The following EYA2 variants were observed in gnomAD, a reference collection of about 807,000 sequenced individuals.
EYA2 encodes EYA transcriptional coactivator and phosphatase 2, also known as protein phosphatase EYA2.
A neutral mutation model predicts 69.2 loss-of-function variants in EYA2; 31 were observed. The ratio of observed to expected loss-of-function variants is 0.45; its 90% CI spans 0.34 to 0.60. EYA2 has a LOEUF of 0.60. Ranked by LOEUF, EYA2 falls within the 20% of genes least tolerant of loss-of-function variation. The pLI is 0.02. For missense variants in EYA2, 622 were observed against 701.2 expected, an observed-to-expected ratio of 0.89 and a Z score of 1.28; for synonymous variants, 257 against 279.4, an observed-to-expected ratio of 0.92 and a Z score of 0.80.
rs917510606 is a variant in EYA2 at position 46,951,935 on chromosome 20, C to T, written c.-10-38066C>T. Reference sequence around the variant, plus strand: ...TGACATTGTCAGTTTCCCTCTCTCCCTCTTCCTTCCTCTCTCTTAACAAAT... The same window carrying T: ...TGACATTGTCAGTTTCCCTCTCTCCTTCTTCCTTCCTCTCTCTTAACAAAT... On this transcript the variant is annotated intron_variant, in intron 1 of 15. Transcript: ENST00000327619. 3.3e-5 allele frequency among the ~76,000 whole-genome samples: 5 copies of T among 152,218 alleles called. No homozygotes were observed. In the South Asian group the frequency reaches 6.2e-4, roughly 19 times the overall value.
rs188667004 is a variant in EYA2 at position 47,109,600 on chromosome 20, C to A, written c.888+12432C>A. Among the ~76,000 whole-genome samples the A allele has an allele frequency of 7.9e-4, 121 of 152,276 alleles. 1 individual carries two copies. Among genetic ancestry groups the A allele is most frequent in the Non-Finnish European group, 1.5e-3 (100 of 68,022 alleles). Reference sequence around the variant, plus strand: ...GTCTCGTCATGTTGCCCACGCTAGTCTCGAACTCCAGGGCTCTAGTAATCC... The same window carrying A: ...GTCTCGTCATGTTGCCCACGCTAGTATCGAACTCCAGGGCTCTAGTAATCC... On this transcript the variant is annotated intron_variant, in intron 9 of 15. Transcript: ENST00000327619.
At chr20:46,957,337 C>G (rs1979189957) in intron 1 of EYA2, among the ~76,000 whole-genome samples, 3 of 152,084 alleles carry the variant, frequency 2.0e-5, no homozygotes. Context: ...TAGTCAATAC[C>G]AGGCTGAATA....
At chr20:46,943,481 C>T (rs1266949630) in intron 1 of EYA2, among the ~76,000 whole-genome samples, 1 of 152,166 alleles carries the variant, frequency 6.6e-6, no homozygotes, top group Non-Finnish European at 1.5e-5. Flanking sequence ...GAGAAATACG[C>T]CAGCCTGAGG....
intron 5 of EYA2, among the ~76,000 whole-genome samples, chr20:47,038,771 G>A (rs902732655): frequency 4.6e-5 from 7 of 152,052 alleles, no homozygotes; most frequent in East Asian, 1.9e-4. Flanking sequence ...CCCGTTCCCC[G>A]CACGTAGCCC....
chr20:47,063,288 G>C (rs1055789516), intron 5 of EYA2, among the ~76,000 whole-genome samples: 2 of 151,834 alleles, frequency 1.3e-5, no homozygotes, highest in Admixed American at 6.6e-5. Context: ...TCTTATTCTG[G>C]ATACTTTATA....
chr20:46,962,395 C>A (rs2146289325), intron 1 of EYA2, among the ~76,000 whole-genome samples: 1 of 152,284 alleles, frequency 6.6e-6, no homozygotes, highest in African/African-American at 2.4e-5. Context: ...ATGCTAATTA[C>A]CCCAATACAT....
chr20:47,127,832 TATCTGGAA>T (rs2033237445), intron 9 of EYA2, among the ~76,000 whole-genome samples: 1 of 152,260 alleles, frequency 6.6e-6, no homozygotes, highest in African/African-American at 2.4e-5. Flanking sequence ...TTCGTGTTTC[TATCTGGAA>T]GGACTGACCG....
At chr20:47,086,823 G>T (rs1162120205) in intron 7 of EYA2, among the ~76,000 whole-genome samples, 7 of 137,050 alleles carry the variant, frequency 5.1e-5, no homozygotes, top group Non-Finnish European at 7.8e-5. Flanking sequence ...TTTTTTTTTT[G>T]GCACCCCTGC....
chr20:47,079,828 G>A (rs2031649775), intron 7 of EYA2, among the ~76,000 whole-genome samples: 1 of 152,118 alleles, frequency 6.6e-6, no homozygotes, highest in Non-Finnish European at 1.5e-5. Context: ...AATTACATGG[G>A]TAATGTGAGC....
intron 1 of EYA2, among the ~76,000 whole-genome samples, chr20:46,952,536 C>G (rs1034643437): frequency 6.6e-5 from 10 of 152,320 alleles, no homozygotes; most frequent in Non-Finnish European, 1.3e-4. Flanking sequence ...CTGTGCTTTT[C>G]TAGTTCCTCT....
chr20:46,944,380 G>T (rs915528990), intron 1 of EYA2, among the ~76,000 whole-genome samples: 1 of 152,214 alleles, frequency 6.6e-6, no homozygotes, highest in Admixed American at 6.5e-5. Flanking sequence ...GGCAGGTGCA[G>T]CCTCGGTCTC....
At chr20:47,098,710 G>T (rs975053746) in intron 9 of EYA2, among the ~76,000 whole-genome samples, 8 of 152,064 alleles carry the variant, frequency 5.3e-5, no homozygotes, top group Non-Finnish European at 8.8e-5. Flanking sequence ...CTCCAACTCG[G>T]CTTCCTATCT....
At chr20:47,056,202 G>T (rs2030601249) in intron 5 of EYA2, among the ~76,000 whole-genome samples, 1 of 152,206 alleles carries the variant, frequency 6.6e-6, no homozygotes, top group African/African-American at 2.4e-5. Context: ...GGCTCCGGGT[G>T]TGGGTTTGGA....
At chr20:47,030,822 A>G (rs553838053) in intron 5 of EYA2, among the ~76,000 whole-genome samples, 5 of 152,246 alleles carry the variant, frequency 3.3e-5, no homozygotes, top group South Asian at 2.1e-4. Flanking sequence ...CAGTGGTGCA[A>G]TCGTAGTCAC....
chr20:47,021,481 G>A (rs912778536), intron 5 of EYA2, among the ~76,000 whole-genome samples: 13 of 152,060 alleles, frequency 8.5e-5, no homozygotes, highest in African/African-American at 2.9e-4. Flanking sequence ...ACAAAAATTA[G>A]CCGGGTGTGG....
intron 5 of EYA2, among the ~76,000 whole-genome samples, chr20:47,033,047 C>T (rs1381424507): frequency 6.6e-6 from 1 of 152,224 alleles, no homozygotes; most frequent in Non-Finnish European, 1.5e-5. Context: ...CAGCCCTAAA[C>T]TGCAGCCTGT....
chr20:46,952,513 C>T (rs1189598278), intron 1 of EYA2, among the ~76,000 whole-genome samples: 2 of 152,218 alleles, frequency 1.3e-5, no homozygotes, highest in East Asian at 3.8e-4. Flanking sequence ...TTGAGCACCT[C>T]CTTTGTGCAG....
At chr20:47,001,800 T>TG (rs1281798525) in intron 3 of EYA2, among the ~76,000 whole-genome samples, 1 of 144,388 alleles carries the variant, frequency 6.9e-6, no homozygotes, top group Non-Finnish European at 1.6e-5. Context: ...TTTTTTTTTT[T>TG]TATTCTTTTC....
At chr20:47,074,071 G>T in intron 6 of EYA2, 87 bp from the exon 7 acceptor site, 1 of 1,279,304 alleles carries the variant, frequency 7.8e-7, no homozygotes, top group Non-Finnish European at 1.1e-6. Context: ...TTATTCTAAT[G>T]GTGAGACAGA....
Sources: gnomAD v4.1 joint callset for allele counts (sites outside exome capture counted in the v4.1 genomes callset) on GRCh38, gnomAD v4.1.1 for gene constraint, MANE v1.5 for transcripts, NCBI Gene and HGNC (gene_info 2026-07-23, HGNC 2026-07-21) for gene names.